The following NUP133 variants were observed in gnomAD, a reference collection of about 807,000 sequenced individuals.
NUP133 encodes the protein nucleoporin 133.
Under a neutral mutation model 146.2 loss-of-function variants are expected in NUP133, and 66 were observed. The observed-to-expected ratio is 0.45, with a 90% confidence interval of 0.37 to 0.55. NUP133 has a LOEUF of 0.55. Ranked by LOEUF, NUP133 falls within the 20% of genes least tolerant of loss-of-function variation. NUP133 has a pLI of 0.00. For missense variants in NUP133, 1,277 were observed against 1,374.8 expected (o/e 0.93, Z 1.12); for synonymous variants, 521 against 498.8 (o/e 1.04, Z -0.59).
chr1:229,467,762 T>C (rs1660855801), intron 15 of NUP133, among the ~76,000 whole-genome samples: 1 of 151,782 alleles, frequency 6.6e-6, no homozygotes, highest in Non-Finnish European at 1.5e-5. Flanking sequence ...CTGTCTCCAC[T>C]AAAAATACAA....
intron 15 of NUP133, among the ~76,000 whole-genome samples, chr1:229,469,713 A>T (rs886268233): frequency 3.3e-5 from 5 of 152,110 alleles, no homozygotes; most frequent in Non-Finnish European, 7.4e-5. Context: ...CAGAATAACT[A>T]CTCCAACTTC....
intron 18 of NUP133, among the ~76,000 whole-genome samples, chr1:229,463,970 A>T (rs1660754030): frequency 6.6e-6 from 1 of 151,886 alleles, no homozygotes; most frequent in African/African-American, 2.4e-5. Context: ...ATATGGTGAA[A>T]CCCCATCCCT....
Position 229,470,628 on chromosome 1 carries a change from C to T in NUP133, c.2028G>A (p.Glu676=). 1 of 1,614,202 alleles carries T rather than the reference C, an allele frequency of 6.2e-7. No homozygotes were observed. Among genetic ancestry groups the T allele is most frequent in the South Asian group, 1.1e-5 (1 of 91,082 alleles). ...TAILIALNKR[E]YEIPSNLTPA... ...GAGTCAGGTTGGATGGGATTTCATA[C>T]TCCCTCTTGTTCAAAGCAATCAATA... is the stretch of plus-strand genomic sequence containing the variant. The change falls in exon 15 of 26, where the codon GAG becomes GAA. Residue 676 remains glutamate, a synonymous_variant. Coordinates refer to ENST00000261396, the MANE Select transcript of NUP133 (RefSeq NM_018230.3).
intron 19 of NUP133, among the ~76,000 whole-genome samples, chr1:229,460,973 T>A (rs2102755369): frequency 6.6e-6 from 1 of 152,338 alleles, no homozygotes; most frequent in South Asian, 2.1e-4. Flanking sequence ...TTGCTCAAGA[T>A]CACTGACAAG....
intron 2 of NUP133, among the ~76,000 whole-genome samples, chr1:229,504,623 G>A (rs1054874686): frequency 6.6e-6 from 1 of 152,184 alleles, no homozygotes; most frequent in Non-Finnish European, 1.5e-5. Context: ...GGTAGGACTT[G>A]ATTTTACTGT....
chr1:229,455,602 A>C (rs1249120477), intron 21 of NUP133, among the ~76,000 whole-genome samples: 1 of 152,130 alleles, frequency 6.6e-6, no homozygotes, highest in Non-Finnish European at 1.5e-5. Context: ...GAAAAAGTCC[A>C]AATCTACAGA....
chr1:229,475,765 A>G, intron 13 of NUP133, 33 bp from the exon 14 acceptor site: 1 of 1,524,816 alleles, frequency 6.6e-7, no homozygotes, highest in Non-Finnish European at 9.1e-7. Flanking sequence ...CTTAGAACAT[A>G]GTGGTTTTAC....
At chr1:229,499,070 T>G in intron 5 of NUP133, 1 of 423,750 alleles carries the variant, frequency 2.4e-6, no homozygotes, top group South Asian at 1.6e-5. Flanking sequence ...AGATAATTTT[T>G]AAATTTTTTT....
rs749629320 is a variant in NUP133, at chr1:229,500,832, G to A, written c.437C>T (p.Pro146Leu). ...LSVCKELQLP[P>L]SDFHWSADLV... ...GTCGGCACTCCAGTGGAAATCACTAGGTGGCAGCTGAAGTTCTTTGCAAAC... is the reference window on the plus strand; with the variant it reads ...GTCGGCACTCCAGTGGAAATCACTAAGTGGCAGCTGAAGTTCTTTGCAAAC... Residue 146 changes from proline to leucine, a missense_variant, in exon 4 of 26, where the codon CCT becomes CTT. This residue lies in a region of NUP133 where 319 missense variants were observed against 306.9 expected (regional missense o/e 1.04). Transcript: ENST00000261396. 2 of 1,612,972 alleles carry A rather than the reference G, an allele frequency of 1.2e-6. No individual in the cohort carries two copies. The highest frequency in any genetic ancestry group is 1.1e-5 in the South Asian group (1 of 90,918).
intron 4 of NUP133, 141 bp downstream of exon 4, chr1:229,500,615 G>A: frequency 3.6e-6 from 2 of 559,300 alleles, no homozygotes; most frequent in Non-Finnish European, 6.4e-6. Context: ...ACCTATGTGT[G>A]TAGCTCTCTT....
rs978804357 is a variant in NUP133, at chr1:229,442,012, C to T, written c.3363G>A (p.Glu1121=). ...GATCCGCTTGTAGCAGGTCTTTCAC[C>T]TCCGGTAAGTACTCACTGAGCTGAA... is the stretch of plus-strand genomic sequence containing the variant. ...DGIQLSEYLP[E]VKDLLQADQL... Residue 1121 remains glutamate, a synonymous_variant, in exon 26 of 26, where the codon GAG becomes GAA. Coordinates refer to ENST00000261396, the MANE Select transcript of NUP133 (RefSeq NM_018230.3). 5.7e-6 allele frequency: 9 copies of T among 1,579,738 alleles called. No homozygotes were observed. In the African/African-American group the frequency reaches 1.1e-4, roughly 19 times the overall value.
intron 12 of NUP133, among the ~76,000 whole-genome samples, chr1:229,480,852 ATTTTTTTTT>A (rs5781543): frequency 7.9e-6 from 1 of 125,890 alleles, no homozygotes; most frequent in Admixed American, 8.1e-5. Context: ...ACACCCAGCT[ATTTTTTTTT>A]TTTTTTTTTT....
At chr1:229,506,810 C>A (rs1404121737) in intron 1 of NUP133, among the ~76,000 whole-genome samples, 2 of 128,232 alleles carry the variant, frequency 1.6e-5, no homozygotes, top group Non-Finnish European at 3.4e-5. Context: ...GAGAGTGAGA[C>A]CCTGTCTCTT....
intron 15 of NUP133, among the ~76,000 whole-genome samples, chr1:229,469,870 A>G (rs111882533): frequency 0.046 from 7,061 of 152,288 alleles, 439 homozygotes; most frequent in African/African-American, 0.13. Context: ...TACTAAAAAT[A>G]CAAAAATTAG....
intron 15 of NUP133, among the ~76,000 whole-genome samples, chr1:229,468,684 A>G (rs1454532770): frequency 6.6e-6 from 1 of 152,218 alleles, no homozygotes; most frequent in Non-Finnish European, 1.5e-5. Context: ...AATGCAGAAT[A>G]ATGAACCAGG....
At chr1:229,468,299 C>T (rs1233958690) in intron 15 of NUP133, among the ~76,000 whole-genome samples, 1 of 152,160 alleles carries the variant, frequency 6.6e-6, no homozygotes, top group Admixed American at 6.6e-5. Context: ...AGACAGGTAA[C>T]TTGTCACCCC....
intron 12 of NUP133, among the ~76,000 whole-genome samples, chr1:229,480,964 G>C (rs1661197255): frequency 6.6e-6 from 1 of 151,818 alleles, no homozygotes; most frequent in Non-Finnish European, 1.5e-5. Context: ...AAAGTACTGG[G>C]ATTACAGGTG....
chr1:229,446,744 T>A (rs74738098), intron 24 of NUP133, among the ~76,000 whole-genome samples: 10,182 of 147,140 alleles, frequency 0.069, 1,053 homozygotes, highest in African/African-American at 0.23. Flanking sequence ...AAAAAAAAAA[T>A]TTTTTTTTAA....
Position 229,466,752 on chromosome 1 carries a change from G to A in NUP133, c.2081C>T (p.Ser694Phe), listed in dbSNP as rs1278238471. 1 of 1,613,942 alleles carries A rather than the reference G, an allele frequency of 6.2e-7. No individual in the cohort carries two copies. The highest frequency in any genetic ancestry group is 1.7e-5 in the Admixed American group (1 of 60,014). ...TPADVFFREV[S>F]QVDTICECLL... ...GCACTCACAGATGGTATCTACTTGG[G>A]ATACCTGAGAGAATACACAGAAGTA... The change falls in exon 16 of 26, where the codon TCC (serine) becomes TTC (phenylalanine). Residue 694 changes from serine (S) to phenylalanine (F), a missense_variant. Around this residue, in one of 3 missense-constraint regions of NUP133, gnomAD observed 952 missense variants for 1,047.0 expected, o/e 0.91. Coordinates refer to ENST00000261396, the MANE Select transcript of NUP133 (RefSeq NM_018230.3).
Sources: gnomAD v4.1 joint callset for allele counts (sites outside exome capture counted in the v4.1 genomes callset) on GRCh38, gnomAD v4.1.1 for gene constraint, gnomAD v4.1.1 regional missense constraint, MANE v1.5 for transcripts, NCBI Gene and HGNC (gene_info 2026-07-23, HGNC 2026-07-21) for gene names.